Variants in TTN observed in about 807,000 individuals in gnomAD.
TTN encodes the protein titin.
Under a neutral mutation model 3,223.0 loss-of-function variants are expected in TTN, and 1,525 were observed. That is an observed-to-expected ratio of 0.47 (90% CI 0.45 to 0.49). The LOEUF is 0.49. Among genes scored for constraint, TTN ranks in the 20% least tolerant of loss-of-function variants. The pLI is 0.00. For missense variants in TTN, 40,786 were observed against 43,424.0 expected, an observed-to-expected ratio of 0.94 and a Z score of 5.40; for synonymous variants, 14,094 against 15,161.0, an observed-to-expected ratio of 0.93 and a Z score of 5.17.
At position 178,551,010 on chromosome 2, in the gene TTN, C is replaced by T. The variant is rs770698629; in HGVS notation, c.91521G>A (p.Pro30507=). Residue 30507 remains proline (P), a synonymous_variant, in exon 336 of 363, where the codon CCG becomes CCA. Coordinates refer to ENST00000589042, the MANE Select transcript of TTN (RefSeq NM_001267550.2). ...IARNAVGTIS[P]PSQSSGIIMT... is the part of the protein sequence containing the mutation. ...TAATAATGCCAGAAGACTGTGAGGG[C>T]GGGCTTATAGTTCCAACAGCATTTC... 1.7e-5 allele frequency: 27 copies of T among 1,613,166 alleles called. No individual in the cohort carries two copies. Among genetic ancestry groups the T allele is most frequent in the South Asian group, 1.2e-4 (11 of 91,052 alleles).
In TTN at chr2:178,717,123, G is replaced by T; in HGVS notation, c.25611C>A (p.Asp8537Glu). Residue 8537 changes from aspartate (D) to glutamate (E), a missense_variant, in exon 88 of 363, where the codon GAC becomes GAA. Coordinates refer to ENST00000589042, the MANE Select transcript of TTN (RefSeq NM_001267550.2). ...GTACACCCAGCTGAGCAGAACAAGA[G>T]TCTTTTCCAGCGATGTTGCTTGCAT... is the stretch of plus-strand genomic sequence containing the variant. Reference protein sequence around the residue: ...TCYASNIAGKDSCSAQLGVQE... With the variant: ...TCYASNIAGKESCSAQLGVQE... 1.2e-6 allele frequency: 2 copies of T among 1,613,290 alleles called. No individual in the cohort carries two copies.
chr2:178,685,396 A>T lies in TTN; in HGVS notation c.32393-66T>A, dbSNP rs1341468987. ...TTTCTTTTCGATAAAAGTGTAAGGG[A>T]TCTTTTTATTAGACATGATATTTAT... On this transcript the variant is annotated intron_variant, in intron 128 of 362. Coordinates refer to ENST00000589042, the MANE Select transcript of TTN (RefSeq NM_001267550.2). 1.0e-5 allele frequency: 15 copies of T among 1,483,256 alleles called. No individual in the cohort carries two copies. The Admixed American group carries it at 1.3e-4, about 13-fold the overall frequency. 91.9% of individuals were successfully genotyped at this position (1,483,256 alleles called of 1,614,324 possible). A position where few individuals can be genotyped will look rare whatever the true frequency, so the allele number is the denominator to read the frequency against.
chr2:178,800,509 C>T lies in TTN; in HGVS notation c.469G>A (p.Asp157Asn), dbSNP rs1471570172. The T allele has an allele frequency of 4.3e-6, 7 of 1,614,116 alleles. No individual in the cohort carries two copies. The highest frequency in any genetic ancestry group is 2.2e-5 in the South Asian group (2 of 91,072). The change falls in exon 4 of 363, where the codon GAC becomes AAC. Residue 157 changes from aspartate (D) to asparagine (N), a missense_variant. Physicochemically the swap from Asp to Asn is conservative, Grantham distance 23. Transcript: ENST00000589042. ...SLDFQISQEGDLYSLLIAEAY... is the reference protein window; with the variant it reads ...SLDFQISQEGNLYSLLIAEAY... ...TCTGCAATCAGTAAGCTGTAGAGGT[C>T]GCCTTCTTGTGAAATTTGGAAATCA... is the stretch of plus-strand genomic sequence containing the variant.
intron 301 of TTN, 50 bp from the exon 302 acceptor site, chr2:178,592,327 G>T: frequency 6.3e-7 from 1 of 1,598,762 alleles, no homozygotes; most frequent in Non-Finnish European, 8.5e-7. Context: ...CCATATAAGA[G>T]CTCAAAATTA....
Position 178,685,191 on chromosome 2 carries a change from G to A in TTN, c.32470+62C>T, listed in dbSNP as rs2070529882. On this transcript the variant is annotated intron_variant, in intron 129 of 362. Transcript: ENST00000589042. ...TTATGCATAAGACAGTTATGCAAAT[G>A]TGAAGGTATTATTATATACATTAAA... 8 of 1,378,094 alleles carry A rather than the reference G, an allele frequency of 5.8e-6. No homozygotes were observed. In the South Asian group the frequency reaches 1.1e-4, roughly 19 times the overall value. 85.4% of individuals were successfully genotyped at this position (1,378,094 alleles called of 1,614,324 possible).
chr2:178,665,374 T>C lies in TTN; in HGVS notation c.36043+3A>G. The C allele has an allele frequency of 6.2e-7, 1 of 1,611,990 alleles. No individual in the cohort carries two copies. Among genetic ancestry groups the C allele is most frequent in the Non-Finnish European group, 8.5e-7 (1 of 1,179,146 alleles). On this transcript the variant is annotated splice_donor_region_variant and intron_variant, in intron 165 of 362. Transcript: ENST00000589042. Reference sequence around the variant, plus strand: ...CTTCCACATTTGTTCAGAGGTAACGTACTTTTCATACGTGGAGTTTCTGGC... The same window carrying C: ...CTTCCACATTTGTTCAGAGGTAACGCACTTTTCATACGTGGAGTTTCTGGC...
In TTN at chr2:178,684,945, C is replaced by A. The variant is rs727503635; in HGVS notation, c.32515G>T (p.Ala10839Ser). Reference sequence around the variant, plus strand: ...ACCTTTTCCTTTTTAGGAACTGGAGCAGGAACTTTCTTTTCTGGCACAATT... The same window carrying A: ...ACCTTTTCCTTTTTAGGAACTGGAGAAGGAACTTTCTTTTCTGGCACAATT... The part of the protein sequence containing the change: ...KKIVPEKKVP[A>S]PVPKKEKVPP... The change falls in exon 130 of 363, where the codon GCT becomes TCT. Residue 10839 changes from alanine to serine, a missense_variant. Ala to Ser is a moderately conservative substitution (Grantham distance 99). Coordinates refer to ENST00000589042, the MANE Select transcript of TTN (RefSeq NM_001267550.2). 42 of 1,609,074 alleles carry A rather than the reference C, an allele frequency of 2.6e-5. No individual in the cohort carries two copies. The highest frequency in any genetic ancestry group is 3.6e-5 in the Non-Finnish European group (42 of 1,177,562).
rs727504897 is a variant in TTN at position 178,534,604 on chromosome 2, A to T, written c.102011T>A (p.Leu34004Gln). ...TATDMWSLGT[L>Q]VYVLLSGINP... ...GATACCACTCAATAGCACATATACC[A>T]GTGTTCCAAGTGACCACATGTCTGT... The change falls in exon 358 of 363, where the codon CTG becomes CAG. Residue 34004 changes from leucine to glutamine, a missense_variant. Leu to Gln is a moderately radical substitution (Grantham distance 113). Coordinates refer to ENST00000589042, the MANE Select transcript of TTN (RefSeq NM_001267550.2). The T allele has an allele frequency of 1.2e-5, 20 of 1,613,820 alleles. No homozygotes were observed. The highest frequency in any genetic ancestry group is 1.6e-5 in the Non-Finnish European group (19 of 1,179,746).
At chr2:178,628,010 G>T (rs1216204622) in intron 240 of TTN, among the ~76,000 whole-genome samples, 2 of 152,052 alleles carry the variant, frequency 1.3e-5, no homozygotes, top group African/African-American at 4.8e-5. Flanking sequence ...AGACCTCATT[G>T]TAAGGAAGGT....
Position 178,554,439 on chromosome 2 carries a change from A to T in TTN, c.88894+14T>A. ...TTTTTCACGTTTCAGTTTTCTAATG[A>T]AATCATGTCTCACCAAATGCGTTCT... On this transcript the variant is annotated intron_variant, in intron 332 of 362. Transcript: ENST00000589042. 6.2e-7 allele frequency: 1 copy of T among 1,607,688 alleles called. No homozygotes were observed. Among genetic ancestry groups the T allele is most frequent in the South Asian group, 1.1e-5 (1 of 89,784 alleles).
chr2:178,721,027 T>A lies in TTN; in HGVS notation c.22992A>T (p.Ala7664=), dbSNP rs1217642150. ...KYNMSFINSV[A]LLTINEASAE... ...CACTAGCTTCATTGATCGTAAGCAA[T>A]GCCACAGAATTAATGAATGACATGT... Residue 7664 remains alanine, a synonymous_variant, in exon 79 of 363, where the codon GCA becomes GCT. Transcript: ENST00000589042. The A allele has an allele frequency of 3.1e-6, 5 of 1,613,400 alleles. No homozygotes were observed. The highest frequency in any genetic ancestry group is 4.2e-6 in the Non-Finnish European group (5 of 1,179,438).
chr2:178,616,921 G>T lies in TTN; in HGVS notation c.47968C>A (p.Pro15990Thr), dbSNP rs2057439809. ...ITILVPSTGYPRPTATWCFGD... is the reference protein window; with the variant it reads ...ITILVPSTGYTRPTATWCFGD... ...AAACACCAGGTTGCAGTTGGCCTTG[G>T]ATAGCCTGTACTTGGAACCAGGATC... Residue 15990 changes from proline (P) to threonine (T), a missense_variant, in exon 256 of 363, where the codon CCA (proline) becomes ACA (threonine). By Grantham distance (38) the Pro-to-Thr change is conservative. Transcript: ENST00000589042. 1 of 1,612,534 alleles carries T rather than the reference G, an allele frequency of 6.2e-7. No homozygotes were observed. Among genetic ancestry groups the T allele is most frequent in the Non-Finnish European group, 8.5e-7 (1 of 1,179,144 alleles).
chr2:178,728,565 T>A lies in TTN; in HGVS notation c.19361A>T (p.Gln6454Leu). 6.2e-7 allele frequency: 1 copy of A among 1,613,182 alleles called. No homozygotes were observed. The highest frequency in any genetic ancestry group is 2.2e-5 in the East Asian group (1 of 44,754). ...GTCATTTTCCACCTTGAAAGTGTAC[T>A]GACCGCTGTCCTGCTTCATTACTGA... ...IQSVMKQDSGQYTFKVENDFG... is the reference protein window; with the variant it reads ...IQSVMKQDSGLYTFKVENDFG... The change falls in exon 66 of 363, where the codon CAG (glutamine) becomes CTG (leucine). Residue 6454 changes from glutamine to leucine, a missense_variant. Coordinates refer to ENST00000589042, the MANE Select transcript of TTN (RefSeq NM_001267550.2).
rs764231632 is a variant in TTN at position 178,530,616 on chromosome 2, C to A, written c.105999G>T (p.Gln35333His). ...GKKLKENGHF[Q>H]FHYSADGTYE... ...AGGTACCATCTGCTGAATAATGAAACTGGAAATGCCCATTTTCCTTCAGTT... is the reference window on the plus strand; with the variant it reads ...AGGTACCATCTGCTGAATAATGAAAATGGAAATGCCCATTTTCCTTCAGTT... Residue 35333 changes from glutamine to histidine, a missense_variant, in exon 358 of 363, where the codon CAG becomes CAT. Physicochemically the swap from Gln to His is conservative, Grantham distance 24. Coordinates refer to ENST00000589042, the MANE Select transcript of TTN (RefSeq NM_001267550.2). 13 of 1,614,024 alleles carry A rather than the reference C, an allele frequency of 8.1e-6. No individual in the cohort carries two copies. Among genetic ancestry groups the A allele is most frequent in the Non-Finnish European group, 1.0e-5 (12 of 1,179,900 alleles).
Position 178,764,100 on chromosome 2 carries a change from G to A in TTN, c.10114+77C>T, listed in dbSNP as rs577268561. The A allele has an allele frequency of 2.1e-4, 342 of 1,598,518 alleles. 6 individuals carry two copies. In the South Asian group the frequency reaches 3.5e-3, roughly 17 times the overall value. On this transcript the variant is annotated intron_variant, in intron 43 of 362. Transcript: ENST00000589042. ...ATGCATGAGAGATGTTTGTGATGGA[G>A]GAGAAGCTGACAGAATGTTTTTCCC...
rs1165167746 is a variant in TTN, at chr2:178,571,111, A to G, written c.75021T>C (p.Cys25007=). The change falls in exon 326 of 363, where the codon TGT becomes TGC. Residue 25007 remains cysteine (C), a synonymous_variant. Transcript: ENST00000589042. ...VSECYVARDP[C]DPPGRPEAII... ...TTGCCTCTGGCCGTCCTGGTGGATCACATGGGTCACGAGCCACATAACATT... is the reference window on the plus strand; with the variant it reads ...TTGCCTCTGGCCGTCCTGGTGGATCGCATGGGTCACGAGCCACATAACATT... 1 of 1,613,472 alleles carries G rather than the reference A, an allele frequency of 6.2e-7. No individual in the cohort carries two copies. Among genetic ancestry groups the G allele is most frequent in the African/African-American group, 1.3e-5 (1 of 75,010 alleles).
intron 241 of TTN, 113 bp downstream of exon 241, chr2:178,625,157 GATT>G: frequency 7.3e-7 from 1 of 1,364,734 alleles, no homozygotes; most frequent in South Asian, 1.4e-5. Context: ...TCAGACTTTT[GATT>G]ATTTGGTTGA....
chr2:178,591,051 C>T lies in TTN; in HGVS notation c.60674G>A (p.Gly20225Glu), dbSNP rs1428725715. 2 of 1,613,294 alleles carry T rather than the reference C, an allele frequency of 1.2e-6. No individual in the cohort carries two copies. Among genetic ancestry groups the T allele is most frequent in the Non-Finnish European group, 1.7e-6 (2 of 1,179,552 alleles). ...GATTTTCAGCTTTGTCTTACTGCTT[C>T]CGGAAGAGACAACACCCCACGTGTC... ...RKDTWGVVSSGSSKTKLKIPH... is the reference protein window; with the variant it reads ...RKDTWGVVSSESSKTKLKIPH... Residue 20225 changes from glycine (G) to glutamate (E), a missense_variant, in exon 304 of 363, where the codon GGA (glycine) becomes GAA (glutamate). Physicochemically the swap from Gly to Glu is moderately conservative, Grantham distance 98. Transcript: ENST00000589042.
chr2:178,724,008 A>T lies in TTN; in HGVS notation c.21251T>A (p.Ile7084Asn), dbSNP rs2078903172. 1 of 1,613,450 alleles carries T rather than the reference A, an allele frequency of 6.2e-7. No individual in the cohort carries two copies. The highest frequency in any genetic ancestry group is 1.3e-5 in the African/African-American group (1 of 74,908). ...GGTTTGGTACTTTGCTCCACTGACA[A>T]TCTTGGTTTTCTCATGAAACCAGGC... ...SVAWFHEKTK[I>N]VSGAKYQTTF... Residue 7084 changes from isoleucine (I) to asparagine (N), a missense_variant, in exon 73 of 363, where the codon ATT becomes AAT. Physicochemically the swap from Ile to Asn is moderately radical, Grantham distance 149. Coordinates refer to ENST00000589042, the MANE Select transcript of TTN (RefSeq NM_001267550.2).
Sources: gnomAD v4.1 joint callset for allele counts (sites outside exome capture counted in the v4.1 genomes callset) on GRCh38, gnomAD v4.1.1 for gene constraint, MANE v1.5 for transcripts, NCBI Gene and HGNC (gene_info 2026-07-23, HGNC 2026-07-21) for gene names.